SRRM3: variants seen among roughly 807,000 people sequenced by gnomAD.
The protein encoded by SRRM3 is serine/arginine repetitive matrix protein 3.
A neutral mutation model predicts 66.2 loss-of-function variants in SRRM3; 27 were observed. The ratio of observed to expected loss-of-function variants is 0.41; its 90% confidence interval spans 0.30 to 0.56. The LOEUF (loss-of-function observed/expected upper bound fraction) is 0.56, where lower values mean the gene tolerates loss of function less well. Among genes scored for constraint, SRRM3 ranks in the 20% least tolerant of loss-of-function variants. The probability of loss-of-function intolerance (pLI) is 0.32; values close to 1 mark genes in which losing one functional copy is unlikely to be tolerated. For synonymous variants in SRRM3, 391 were observed against 414.9 expected, an observed-to-expected ratio of 0.94 and a Z score of 0.70; for missense variants, 918 against 991.9, an observed-to-expected ratio of 0.93 and a Z score of 1.00.
At chr7:76,266,561 T>TA (rs1279715754) in intron 10 of SRRM3, among the ~76,000 whole-genome samples, 20 of 117,906 alleles carry the variant, frequency 1.7e-4, no homozygotes, top group South Asian at 2.2e-4. Flanking sequence ...ATTAAATATA[T>TA]AATATATAAA....
At chr7:76,264,955 G>A in intron 9 of SRRM3, 140 bp downstream of exon 9, 1 of 975,486 alleles carries the variant, frequency 1.0e-6, no homozygotes, top group Non-Finnish European at 1.5e-6. Flanking sequence ...TAGAAAGAAA[G>A]CCAAGGGCTC....
chr7:76,260,895 C>T lies in SRRM3; in HGVS notation c.567C>T (p.Ser189=), dbSNP rs782010459. 6.4e-7 allele frequency: 1 copy of T among 1,561,740 alleles called. No homozygotes were observed. Among genetic ancestry groups the T allele is most frequent in the East Asian group, 2.4e-5 (1 of 41,928 alleles). The change falls in exon 6 of 15, where the codon TCC becomes TCT. Residue 189 remains serine, a synonymous_variant. Transcript: ENST00000611745. ...TCAGCAAAAAGAGGAGACTGGAGTC[C>T]GAATGCAGGTCAGTGGGGACAGAGC... is the stretch of plus-strand genomic sequence containing the variant. ...RRSRKKRRLE[S]ECSCGSSSPL...
chr7:76,238,502 T>G (rs1439546542), intron 2 of SRRM3, among the ~76,000 whole-genome samples: 1 of 152,158 alleles, frequency 6.6e-6, no homozygotes, highest in African/African-American at 2.4e-5. Flanking sequence ...TGGTGATTGA[T>G]GGCGTACTTG....
chr7:76,261,590 C>T lies in SRRM3; in HGVS notation c.674+9C>T, dbSNP rs546350245. ...AGGAAGAGACGGCACAGGTGAGCGG[C>T]GCTTTGCAGAGGACATGGTCAGTGG... On this transcript the variant is annotated intron_variant, in intron 8 of 14. Transcript: ENST00000611745. 304 of 1,610,060 alleles carry T rather than the reference C, an allele frequency of 1.9e-4. No individual in the cohort carries two copies. Among genetic ancestry groups the T allele is most frequent in the African/African-American group, 3.6e-4 (27 of 74,922 alleles).
intron 1 of SRRM3, among the ~76,000 whole-genome samples, chr7:76,232,477 C>T (rs1018367556): frequency 1.3e-5 from 2 of 151,880 alleles, no homozygotes; most frequent in African/African-American, 2.4e-5. Context: ...GAGGCTGAGG[C>T]GGGAGAATCA....
intron 1 of SRRM3, among the ~76,000 whole-genome samples, chr7:76,222,195 T>G (rs782483572): frequency 5.9e-5 from 9 of 152,134 alleles, no homozygotes; most frequent in Admixed American, 5.9e-4. Flanking sequence ...GCAGGAGGGT[T>G]GCTTGAGTCC....
chr7:76,259,929 C>A lies in SRRM3; in HGVS notation c.359C>A (p.Thr120Asn), dbSNP rs901436576. 2 of 1,601,748 alleles carry A rather than the reference C, an allele frequency of 1.2e-6. No homozygotes were observed. Among genetic ancestry groups the A allele is most frequent in the South Asian group, 1.1e-5 (1 of 91,004 alleles). The change falls in exon 4 of 15, where the codon ACC (threonine) becomes AAC (asparagine). Residue 120 changes from threonine to asparagine, a missense_variant. Thr to Asn is a moderately conservative substitution (Grantham distance 65). Transcript: ENST00000611745. ...AGTGTGGCGGAGACCCCGCGGCTGA[C>A]CGAGGGCGCTGAGCCGGGCCTGGAG... Reference protein sequence around the residue: ...GHIVAETPRLTEGAEPGLEYA... With the variant: ...GHIVAETPRLNEGAEPGLEYA...
chr7:76,232,126 G>C (rs1316430463), intron 1 of SRRM3, among the ~76,000 whole-genome samples: 1 of 152,166 alleles, frequency 6.6e-6, no homozygotes, highest in Non-Finnish European at 1.5e-5. Context: ...AGCCCCGGGC[G>C]CATTGAGCTT....
At chr7:76,250,071 T>C (rs1801539274) in intron 3 of SRRM3, among the ~76,000 whole-genome samples, 1 of 152,032 alleles carries the variant, frequency 6.6e-6, no homozygotes, top group Non-Finnish European at 1.5e-5. Context: ...TGACACAGGG[T>C]TTTGCTCTGT....
chr7:76,202,881 G>A (rs1331043049), intron 1 of SRRM3, among the ~76,000 whole-genome samples: 4 of 152,184 alleles, frequency 2.6e-5, no homozygotes, highest in African/African-American at 7.2e-5. Context: ...TCCATTGTGG[G>A]GAGAGATTTA....
chr7:76,229,342 T>C (rs1413565589), intron 1 of SRRM3, among the ~76,000 whole-genome samples: 2 of 152,180 alleles, frequency 1.3e-5, no homozygotes, highest in Non-Finnish European at 2.9e-5. Flanking sequence ...TCAAATTTAA[T>C]TTAACTGGGT....
chr7:76,266,981 A>C lies in SRRM3; in HGVS notation c.831-277A>C, dbSNP rs545998301. On this transcript the variant is annotated intron_variant, in intron 10 of 14. Coordinates refer to ENST00000611745, the MANE Select transcript of SRRM3 (RefSeq NM_001110199.3). ...AGCCACCAAGCCCAGCCTAATAATA[A>C]TTTTTAAAAAGAGAAATTTACCAGG... Among the ~76,000 whole-genome samples the C allele has an allele frequency of 1.8e-4, 27 of 152,104 alleles. No individual in the cohort carries two copies. In the South Asian group the frequency reaches 4.4e-3, roughly 25 times the overall value.
intron 1 of SRRM3, among the ~76,000 whole-genome samples, chr7:76,231,698 C>G (rs377655236): frequency 1.3e-5 from 2 of 152,240 alleles, no homozygotes; most frequent in Non-Finnish European, 2.9e-5. Context: ...GAGTTACAAG[C>G]AAACAGCCAA....
intron 11 of SRRM3, among the ~76,000 whole-genome samples, chr7:76,277,510 A>G (rs982268237): frequency 1.3e-5 from 2 of 151,912 alleles, no homozygotes; most frequent in Non-Finnish European, 1.5e-5. Context: ...CCTGGCCAAC[A>G]TGGTGAAACC....
chr7:76,204,689 T>C (rs1554600961), intron 1 of SRRM3, among the ~76,000 whole-genome samples: 1 of 152,158 alleles, frequency 6.6e-6, no homozygotes, highest in Non-Finnish European at 1.5e-5. Flanking sequence ...AAGGACCTTC[T>C]TTCTGGCCCT....
intron 11 of SRRM3, among the ~76,000 whole-genome samples, chr7:76,274,437 T>G (rs1443510159): frequency 6.6e-6 from 1 of 152,210 alleles, no homozygotes; most frequent in Non-Finnish European, 1.5e-5. Context: ...AGGAGCAGGT[T>G]TGAGACCTAG....
At chr7:76,227,167 G>A (rs1458601426) in intron 1 of SRRM3, among the ~76,000 whole-genome samples, 3 of 145,926 alleles carry the variant, frequency 2.1e-5, no homozygotes, top group African/African-American at 7.6e-5. Context: ...TCAGTGGTAG[G>A]GTAAAGACTT....
At chr7:76,206,033 G>A (rs1254575883) in intron 1 of SRRM3, among the ~76,000 whole-genome samples, 1 of 151,980 alleles carries the variant, frequency 6.6e-6, no homozygotes, top group East Asian at 1.9e-4. Flanking sequence ...TTTGAGAGAG[G>A]GGCTCAATCT....
chr7:76,206,121 C>T (rs138564308), intron 1 of SRRM3, among the ~76,000 whole-genome samples: 84 of 152,270 alleles, frequency 5.5e-4, no homozygotes, highest in African/African-American at 2.0e-3. Context: ...GATCCTCCCG[C>T]CTCAGCCTCC....
Sources: gnomAD v4.1 joint callset for allele counts (sites outside exome capture counted in the v4.1 genomes callset) on GRCh38, gnomAD v4.1.1 for gene constraint, MANE v1.5 for transcripts, NCBI Gene and HGNC (gene_info 2026-07-23, HGNC 2026-07-21) for gene names.